The following HYCC2 variants were observed in gnomAD, a reference collection of about 807,000 sequenced individuals.
HYCC2 encodes the protein hyccin 2.
At chr2:200,988,510 T>A in the HYCC2 span, 1 of 912,758 alleles carries the variant, frequency 1.1e-6, no homozygotes, top group Non-Finnish European at 1.6e-6. Context: ...CGAATATGTA[T>A]TTAAAATTTG....
the HYCC2 span, among the ~76,000 whole-genome samples, chr2:201,028,260 C>T: frequency 6.6e-6 from 1 of 151,936 alleles, no homozygotes; most frequent in African/African-American, 2.4e-5. Flanking sequence ...ACTTACAAGA[C>T]ATGTGAAGGA....
the HYCC2 span, chr2:200,978,275 A>G: frequency 6.6e-6 from 1 of 152,160 alleles, no homozygotes; most frequent in South Asian, 2.1e-4. Flanking sequence ...ATTCTTGCAC[A>G]AGAAATCTGT....
chr2:201,060,398 A>G, the HYCC2 span, among the ~76,000 whole-genome samples: 1 of 152,230 alleles, frequency 6.6e-6, no homozygotes, highest in Non-Finnish European at 1.5e-5. Context: ...GATCAGAAGA[A>G]GTGTTGTGTA....
the HYCC2 span, among the ~76,000 whole-genome samples, chr2:200,985,543 C>T: frequency 2.4e-4 from 36 of 152,106 alleles, no homozygotes; most frequent in African/African-American, 6.8e-4. Context: ...TGCCTGTAGT[C>T]CTAGCTATTC....
At chr2:201,009,973 A>G in the HYCC2 span, among the ~76,000 whole-genome samples, 2 of 151,738 alleles carry the variant, frequency 1.3e-5, no homozygotes, top group South Asian at 2.1e-4. Context: ...GCGTGGTGGC[A>G]TGCACCTGTA....
the HYCC2 span, among the ~76,000 whole-genome samples, chr2:201,051,537 G>T: frequency 2.0e-5 from 3 of 151,926 alleles, no homozygotes; most frequent in Non-Finnish European, 4.4e-5. Flanking sequence ...AAAATCAATT[G>T]TTTCTATAAA....
chr2:201,002,053 G>A, the HYCC2 span, among the ~76,000 whole-genome samples: 1 of 151,554 alleles, frequency 6.6e-6, no homozygotes, highest in Non-Finnish European at 1.5e-5. Flanking sequence ...AGCTGAAAAC[G>A]TGCAACATGA....
chr2:201,008,980 G>A, the HYCC2 span: 2 of 1,602,480 alleles, frequency 1.2e-6, no homozygotes, highest in South Asian at 1.1e-5. Flanking sequence ...TACCGGTTCT[G>A]TGCAGTGAAT....
chr2:200,982,819 C>T, the HYCC2 span, among the ~76,000 whole-genome samples: 292 of 152,226 alleles, frequency 1.9e-3, 3 homozygotes, highest in African/African-American at 6.8e-3. Context: ...TGCAGTGGCA[C>T]GATCTTCAGC....
At chr2:201,023,079 T>C in the HYCC2 span, 1 of 558,570 alleles carries the variant, frequency 1.8e-6, no homozygotes, top group African/African-American at 1.9e-5. Flanking sequence ...CTGGGCACAG[T>C]GGCTCACGTC....
At chr2:201,060,061 G>C in the HYCC2 span, among the ~76,000 whole-genome samples, 11 of 144,382 alleles carry the variant, frequency 7.6e-5, no homozygotes, top group South Asian at 4.8e-4. Context: ...AAGCGGGGGG[G>C]GGGGGGTTCT....
At chr2:201,002,618 C>T in the HYCC2 span, among the ~76,000 whole-genome samples, 2 of 151,842 alleles carry the variant, frequency 1.3e-5, no homozygotes, top group Middle Eastern at 3.4e-3. Context: ...CTCCGCCTCC[C>T]GGGTTCAAGC....
chr2:201,027,412 T>C, the HYCC2 span, among the ~76,000 whole-genome samples: 1 of 152,188 alleles, frequency 6.6e-6, no homozygotes, highest in Non-Finnish European at 1.5e-5. Flanking sequence ...CCATTCCTTC[T>C]AAAACTATTC....
chr2:200,978,464 CTTTTTTTTTTTTTT>C, the HYCC2 span: 3 of 75,320 alleles, frequency 4.0e-5, no homozygotes, highest in South Asian at 4.0e-4. Context: ...CTAAGATGAA[CTTTTTTTTTTTTTT>C]TTTTTTTTTT....
chr2:201,058,621 C>A, the HYCC2 span, among the ~76,000 whole-genome samples: 4,449 of 152,274 alleles, frequency 0.029, 108 homozygotes, highest in Middle Eastern at 0.088. Context: ...TGAGAATCAC[C>A]TGAACCTGGG....
chr2:200,981,989 C>T, the HYCC2 span: 18 of 994,072 alleles, frequency 1.8e-5, no homozygotes, highest in Non-Finnish European at 2.6e-5. The surrounding 1 kb of genome is among the most constrained non-coding windows in gnomAD (Gnocchi z 4.5). Context: ...AATGGCCCTA[C>T]TATCAACACT....
the HYCC2 span, among the ~76,000 whole-genome samples, chr2:201,057,964 A>C: frequency 6.6e-6 from 1 of 152,184 alleles, no homozygotes; most frequent in African/African-American, 2.4e-5. Context: ...TGGTCTTGTC[A>C]GCAAGAATAG....
At chr2:200,993,166 G>C in the HYCC2 span, among the ~76,000 whole-genome samples, 1 of 152,160 alleles carries the variant, frequency 6.6e-6, no homozygotes, top group Non-Finnish European at 1.5e-5. Flanking sequence ...GTTGTGAACA[G>C]GTGAAAGATA....
At chr2:200,990,665 C>T in the HYCC2 span, among the ~76,000 whole-genome samples, 375 of 152,112 alleles carry the variant, frequency 2.5e-3, 3 homozygotes, top group African/African-American at 8.5e-3. Context: ...CTCCACCTCC[C>T]GGGTTTAAGC....
Sources: allele counts gnomAD v4.1 joint callset (sites outside exome capture counted in the v4.1 genomes callset), GRCh38; gene constraint gnomAD v4.1.1; non-coding constraint Gnocchi (gnomAD v3.1); transcripts MANE v1.5; gene names NCBI Gene and HGNC (gene_info 2026-07-23, HGNC 2026-07-21).